The following NAALADL2 variants were observed in gnomAD, a reference collection of about 807,000 sequenced individuals.
NAALADL2 encodes the protein inactive N-acetylated-alpha-linked acidic dipeptidase-like protein 2.
A neutral mutation model predicts 87.2 loss-of-function variants in NAALADL2; 76 were observed. The ratio of observed to expected loss-of-function variants is 0.87; its 90% CI spans 0.72 to 1.05. The LOEUF is 1.05. Ranked by LOEUF, NAALADL2 falls within the 50% of genes least tolerant of loss-of-function variation. The pLI, the probability that NAALADL2 is intolerant of heterozygous loss-of-function variation, is 0.00. For missense variants in NAALADL2, 1,089 were observed against 945.8 expected, an observed-to-expected ratio of 1.15 and a Z score of -1.99; for synonymous variants, 354 against 331.0, an observed-to-expected ratio of 1.07 and a Z score of -0.75.
At chr3:175,198,888 T>C (rs1739393061) in intron 2 of NAALADL2, among the ~76,000 whole-genome samples, 1 of 151,996 alleles carries the variant, frequency 6.6e-6, no homozygotes, top group South Asian at 2.1e-4. Context: ...AGTATCCAGG[T>C]GCATACCTTA....
At chr3:175,662,944 A>AGTTT (rs200794824) in intron 11 of NAALADL2, among the ~76,000 whole-genome samples, 6,665 of 151,296 alleles carry the variant, frequency 0.044, 224 homozygotes, top group African/African-American at 0.08. Context: ...ATTGGCCTGT[A>AGTTT]GTTTGTTTGT....
intron 1 of NAALADL2, among the ~76,000 whole-genome samples, chr3:175,067,332 T>C (rs775176757): frequency 5.9e-5 from 9 of 152,120 alleles, no homozygotes; most frequent in Non-Finnish European, 1.2e-4. Flanking sequence ...AGAATGTATT[T>C]GCAAACTATG....
At chr3:174,971,612 C>T (rs1002970041) in intron 1 of NAALADL2, among the ~76,000 whole-genome samples, 4 of 151,734 alleles carry the variant, frequency 2.6e-5, no homozygotes, top group Admixed American at 6.6e-5. Flanking sequence ...GCAGGGGCTT[C>T]TTGTACCTTC....
At chr3:175,277,827 G>C (rs1164916617) in intron 4 of NAALADL2, among the ~76,000 whole-genome samples, 1 of 152,074 alleles carries the variant, frequency 6.6e-6, no homozygotes, top group African/African-American at 2.4e-5. Flanking sequence ...TAGTTTACTT[G>C]TATCTTTCTT....
rs993671467 is a variant in NAALADL2, at chr3:175,809,918, T to C, written c.*6715T>C. ...AGAAAATTTATAAATTAACCCAGGG[T>C]AAAATTTGGAGGAAAATTTTTCCAA... is the stretch of plus-strand genomic sequence containing the variant. On this transcript the variant is annotated 3_prime_UTR_variant, in exon 14 of 14. Transcript: ENST00000454872. 2.0e-5 allele frequency: 3 copies of C among 152,002 alleles called. No homozygotes were observed. Among genetic ancestry groups the C allele is most frequent in the African/African-American group, 7.2e-5 (3 of 41,430 alleles). 9.4% of individuals were successfully genotyped at this position (152,002 alleles called of 1,614,324 possible). A position where few individuals can be genotyped will look rare whatever the true frequency, so the allele number is the denominator to read the frequency against.
chr3:175,223,502 G>A (rs1743708774), intron 2 of NAALADL2, among the ~76,000 whole-genome samples: 1 of 152,008 alleles, frequency 6.6e-6, no homozygotes, highest in Non-Finnish European at 1.5e-5. Flanking sequence ...TCATTTTATA[G>A]ATACCACATA....
intron 9 of NAALADL2, among the ~76,000 whole-genome samples, chr3:175,529,569 T>C (rs1269091632): frequency 6.6e-6 from 1 of 152,150 alleles, no homozygotes. Flanking sequence ...TGCCCTAGCC[T>C]ACAAAGTATA....
At chr3:175,744,833 A>T (rs1745704353) in intron 12 of NAALADL2, among the ~76,000 whole-genome samples, 1 of 152,180 alleles carries the variant, frequency 6.6e-6, no homozygotes, top group African/African-American at 2.4e-5. Context: ...AGCTAAACAG[A>T]ATTCTTGTAC....
At chr3:175,792,308 AATGTG>A (rs1252937354) in intron 13 of NAALADL2, among the ~76,000 whole-genome samples, 1 of 152,164 alleles carries the variant, frequency 6.6e-6, no homozygotes, top group African/African-American at 2.4e-5. Context: ...AAAAATATTA[AATGTG>A]ATGTTTCTAG....
At chr3:174,766,419 T>G (rs1461103839) in intron 3 of NAALADL2, among the ~76,000 whole-genome samples, 2 of 152,190 alleles carry the variant, frequency 1.3e-5, no homozygotes, top group Non-Finnish European at 2.9e-5. Context: ...CTCAGGCTCT[T>G]GCGAGGTGTG....
chr3:175,539,707 A>T (rs1711963027), intron 9 of NAALADL2, among the ~76,000 whole-genome samples: 1 of 151,992 alleles, frequency 6.6e-6, no homozygotes, highest in Non-Finnish European at 1.5e-5. Context: ...AAAATGGTAA[A>T]TTGGGGCAGA....
rs957977975 is a variant in NAALADL2 at position 175,416,877 on chromosome 3, CAAAT to C, written c.1091-30346_1091-30343del. Reference sequence around the variant, plus strand: ...GTATGTGGATGATAATGTGTGAAAACAAATAAATATATGATGCTGAGTCACTTGA... The same window carrying C: ...GTATGTGGATGATAATGTGTGAAAACAAATATATGATGCTGAGTCACTTGA... On this transcript the variant is annotated intron_variant, in intron 5 of 13. Coordinates refer to ENST00000454872, the MANE Select transcript of NAALADL2 (RefSeq NM_207015.3). Among the ~76,000 whole-genome samples, 44 of 151,870 alleles carry C rather than the reference CAAAT, an allele frequency of 2.9e-4. 3 individuals carry two copies. Among genetic ancestry groups the C allele is most frequent in the Admixed American group, 1.4e-3 (22 of 15,230 alleles).
intron 2 of NAALADL2, among the ~76,000 whole-genome samples, chr3:174,728,709 G>C (rs1243101269): frequency 6.6e-6 from 1 of 151,960 alleles, no homozygotes; most frequent in Non-Finnish European, 1.5e-5. Context: ...CAAAGCCACA[G>C]AACTCATCAT....
At chr3:175,158,964 T>C (rs1732728696) in intron 2 of NAALADL2, among the ~76,000 whole-genome samples, 1 of 152,138 alleles carries the variant, frequency 6.6e-6, no homozygotes, top group Admixed American at 6.5e-5. Flanking sequence ...TGAATATATG[T>C]TAATCAGAAT....
At chr3:175,495,774 T>G (rs559205327) in intron 9 of NAALADL2, among the ~76,000 whole-genome samples, 141 of 152,244 alleles carry the variant, frequency 9.3e-4, no homozygotes, top group Middle Eastern at 3.4e-3. Flanking sequence ...GTTTATATTC[T>G]ACTCTTTTCT....
chr3:175,344,478 C>A (rs1762924864), intron 5 of NAALADL2, among the ~76,000 whole-genome samples: 1 of 151,400 alleles, frequency 6.6e-6, no homozygotes, highest in African/African-American at 2.4e-5. Flanking sequence ...ATGCAAGAAA[C>A]CTGCCTTCTG....
intron 5 of NAALADL2, among the ~76,000 whole-genome samples, chr3:175,431,692 G>A (rs1288535469): frequency 2.6e-5 from 4 of 152,022 alleles, no homozygotes; most frequent in East Asian, 1.9e-4. Flanking sequence ...GAAGTGTTCT[G>A]TGTGAACAGG....
intron 12 of NAALADL2, among the ~76,000 whole-genome samples, chr3:175,745,478 T>C (rs1425297613): frequency 1.3e-5 from 2 of 152,184 alleles, no homozygotes; most frequent in African/African-American, 4.8e-5. Context: ...TAAAATTATG[T>C]AGTATTTGCA....
chr3:175,035,632 G>C (rs1224842884), intron 1 of NAALADL2, among the ~76,000 whole-genome samples: 2 of 152,260 alleles, frequency 1.3e-5, no homozygotes, highest in East Asian at 3.9e-4. Context: ...GAATATATAA[G>C]AATGTGAAAA....
Sources: allele counts gnomAD v4.1 joint callset (sites outside exome capture counted in the v4.1 genomes callset), GRCh38; gene constraint gnomAD v4.1.1; transcripts MANE v1.5; gene names NCBI Gene and HGNC (gene_info 2026-07-23, HGNC 2026-07-21).